The following CNTNAP2 variants were observed in gnomAD, a reference collection of about 807,000 sequenced individuals.
CNTNAP2 encodes contactin associated protein 2.
In CNTNAP2, 98 loss-of-function variants were observed where a neutral mutation model predicts 155.2. That is an observed-to-expected ratio of 0.63 (90% CI 0.54 to 0.75). CNTNAP2 has a LOEUF of 0.75. Among genes scored for constraint, CNTNAP2 ranks in the 30% least tolerant of loss-of-function variants. The pLI is 0.00. For synonymous variants in CNTNAP2, 651 were observed against 631.2 expected, an observed-to-expected ratio of 1.03 and a Z score of -0.47; for missense variants, 1,727 against 1,688.1, an observed-to-expected ratio of 1.02 and a Z score of -0.40.
chr7:146,356,503 A>G (rs1428913028), intron 1 of CNTNAP2, among the ~76,000 whole-genome samples: 1 of 152,166 alleles, frequency 6.6e-6, no homozygotes, highest in Non-Finnish European at 1.5e-5. Context: ...ATCCTCTCTC[A>G]AACATTGACA....
At chr7:147,717,303 G>A (rs762945357) in intron 13 of CNTNAP2, among the ~76,000 whole-genome samples, 4 of 152,202 alleles carry the variant, frequency 2.6e-5, no homozygotes, top group Non-Finnish European at 4.4e-5. Context: ...ACTAATTCCC[G>A]AGGCGCAGCA....
chr7:146,712,196 CAAA>C (rs1801097651), intron 1 of CNTNAP2, among the ~76,000 whole-genome samples: 1 of 114,312 alleles, frequency 8.7e-6, no homozygotes, highest in Non-Finnish European at 1.7e-5. Flanking sequence ...CTTATGTATA[CAAA>C]TATGTATACA....
At chr7:146,617,456 TCTTA>T (rs1341882100) in intron 1 of CNTNAP2, among the ~76,000 whole-genome samples, 1 of 152,244 alleles carries the variant, frequency 6.6e-6, no homozygotes, top group Non-Finnish European at 1.5e-5. Context: ...ACCTTGAAGA[TCTTA>T]CTTTTTCTGA....
chr7:146,159,735 T>C (rs1404009641), intron 1 of CNTNAP2, among the ~76,000 whole-genome samples: 2 of 152,168 alleles, frequency 1.3e-5, no homozygotes, highest in Non-Finnish European at 2.9e-5. Context: ...CACAGATTCA[T>C]AAAACAAGTC....
intron 11 of CNTNAP2, among the ~76,000 whole-genome samples, chr7:147,537,400 A>C (rs889284740): frequency 6.6e-6 from 1 of 152,204 alleles, no homozygotes; most frequent in Non-Finnish European, 1.5e-5. Context: ...TGAATAACAA[A>C]ATTCATTCAT....
chr7:146,389,110 T>C (rs1388425472), intron 1 of CNTNAP2, among the ~76,000 whole-genome samples: 2 of 152,156 alleles, frequency 1.3e-5, no homozygotes, highest in Non-Finnish European at 2.9e-5. Flanking sequence ...AATAACAGTG[T>C]CTTTGTCACG....
chr7:147,865,025 C>T (rs907310508), intron 13 of CNTNAP2, among the ~76,000 whole-genome samples: 2 of 152,120 alleles, frequency 1.3e-5, no homozygotes, highest in African/African-American at 4.8e-5. Flanking sequence ...GGGAATGCTT[C>T]CAGTTTTTGC....
chr7:148,280,621 A>G (rs1796959705), intron 21 of CNTNAP2, among the ~76,000 whole-genome samples: 1 of 152,146 alleles, frequency 6.6e-6, no homozygotes, highest in African/African-American at 2.4e-5. Context: ...AGTTTCAATT[A>G]GAAAAAGCAA....
chr7:146,716,289 G>T (rs921630193), intron 1 of CNTNAP2, among the ~76,000 whole-genome samples: 17 of 151,532 alleles, frequency 1.1e-4, no homozygotes, highest in African/African-American at 4.1e-4. Context: ...AGGATTTCTG[G>T]TGCTAATTGA....
intron 1 of CNTNAP2, among the ~76,000 whole-genome samples, chr7:146,235,921 C>T (rs11765641): frequency 0.18 from 26,605 of 151,524 alleles, 2,905 homozygotes; most frequent in East Asian, 0.3. Flanking sequence ...AATTACCCAT[C>T]AATATTCTCT....
chr7:147,340,394 CTCT>C (rs1386278521), intron 9 of CNTNAP2, among the ~76,000 whole-genome samples: 11 of 152,134 alleles, frequency 7.2e-5, no homozygotes, highest in African/African-American at 2.7e-4. Context: ...TCATAGGAAG[CTCT>C]TCTATAGATG....
intron 3 of CNTNAP2, among the ~76,000 whole-genome samples, chr7:146,859,122 A>G (rs1795048090): frequency 6.6e-6 from 1 of 152,226 alleles, no homozygotes. Flanking sequence ...ATAGGCAATA[A>G]CATTAGAATT....
intron 15 of CNTNAP2, among the ~76,000 whole-genome samples, chr7:148,102,400 G>A (rs1204097017): frequency 6.6e-6 from 1 of 152,168 alleles, no homozygotes; most frequent in African/African-American, 2.4e-5. Flanking sequence ...TTGATTCCAT[G>A]TCATTGCTGT....
chr7:147,302,876 A>G (rs1281754402), intron 9 of CNTNAP2, among the ~76,000 whole-genome samples: 3 of 152,218 alleles, frequency 2.0e-5, no homozygotes, highest in African/African-American at 4.8e-5. Context: ...TAAATGAACA[A>G]TTATTACCAA....
At chr7:146,790,859 A>G (rs868385401) in intron 2 of CNTNAP2, among the ~76,000 whole-genome samples, 6 of 150,790 alleles carry the variant, frequency 4.0e-5, no homozygotes, top group Admixed American at 2.0e-4. Context: ...GTGAGCCACC[A>G]CGCCTGGCCG....
At chr7:147,965,448 C>T (rs1293961136) in intron 14 of CNTNAP2, among the ~76,000 whole-genome samples, 1 of 151,940 alleles carries the variant, frequency 6.6e-6, no homozygotes, top group Non-Finnish European at 1.5e-5. Context: ...CTCTCATCTC[C>T]CATTTAATTA....
At position 146,314,616 on chromosome 7, in the gene CNTNAP2, G is replaced by C. The variant is rs529594355; in HGVS notation, c.97+197643G>C. Among the ~76,000 whole-genome samples, 12 of 152,138 alleles carry C rather than the reference G, an allele frequency of 7.9e-5. No homozygotes were observed. The East Asian group carries it at 2.1e-3, about 27-fold the overall frequency. The stretch of plus-strand genomic sequence containing the variant: ...GTTCCCTGTGGTCTAGGAGATTCAG[G>C]AGCGTGGAGTTCTGTCAACTCCCAG... On this transcript the variant is annotated intron_variant, in intron 1 of 23. Coordinates refer to ENST00000361727, the MANE Select transcript of CNTNAP2 (RefSeq NM_014141.6).
intron 13 of CNTNAP2, among the ~76,000 whole-genome samples, chr7:147,812,473 T>A (rs189900561): frequency 6.3e-4 from 91 of 144,450 alleles, no homozygotes; most frequent in African/African-American, 2.1e-3. Context: ...CTTATATAAG[T>A]AGGAAAAAAA....
intron 1 of CNTNAP2, among the ~76,000 whole-genome samples, chr7:146,483,942 C>T (rs1216100942): frequency 6.6e-6 from 1 of 152,158 alleles, no homozygotes; most frequent in Non-Finnish European, 1.5e-5. Context: ...GTAATGTCCT[C>T]AGCCTTCACA....
Sources: gnomAD v4.1 joint callset for allele counts (sites outside exome capture counted in the v4.1 genomes callset) on GRCh38, gnomAD v4.1.1 for gene constraint, MANE v1.5 for transcripts, NCBI Gene and HGNC (gene_info 2026-07-23, HGNC 2026-07-21) for gene names.